BBX: variants seen among roughly 807,000 people sequenced by gnomAD.
BBX encodes the protein BBX high mobility group box domain containing.
A neutral mutation model predicts 100.2 loss-of-function variants in BBX; 30 were observed. That is an observed-to-expected ratio of 0.30 (90% confidence interval 0.22 to 0.41). BBX has a LOEUF of 0.41. Among genes scored for constraint, BBX ranks in the 10% least tolerant of loss-of-function variants. BBX has a pLI of 1.00. For synonymous variants in BBX, 376 were observed against 388.1 expected (o/e 0.97, Z 0.37); for missense variants, 1,023 against 1,129.8 (o/e 0.91, Z 1.35).
At chr3:107,682,492 A>G (rs928796366) in intron 3 of BBX, among the ~76,000 whole-genome samples, 2 of 151,996 alleles carry the variant, frequency 1.3e-5, no homozygotes, top group African/African-American at 4.8e-5. Context: ...CAGCAAACCA[A>G]CTCCAGCTTC....
At position 107,548,083 on chromosome 3, in the gene BBX, G is replaced by A. The variant is rs1417303725; in HGVS notation, c.-84+21685G>A. 2.6e-5 allele frequency among the ~76,000 whole-genome samples: 4 copies of A among 152,110 alleles called. No individual in the cohort carries two copies. The East Asian group carries it at 5.8e-4, about 22-fold the overall frequency. ...GGTGTTTTAAATACTTACCTGGGAG[G>A]CATCGAGGTTTGGACGTATGATTGT... On this transcript the variant is annotated intron_variant, in intron 2 of 17. Coordinates refer to ENST00000325805, the MANE Select transcript of BBX (RefSeq NM_001142568.3).
chr3:107,623,487 T>C (rs1452925076), intron 2 of BBX, among the ~76,000 whole-genome samples: 2 of 152,218 alleles, frequency 1.3e-5, no homozygotes, highest in African/African-American at 2.4e-5. Context: ...CCAGGTTTTA[T>C]AGCTACTTTT....
intron 10 of BBX, among the ~76,000 whole-genome samples, chr3:107,763,483 C>T (rs1243039919): frequency 6.6e-6 from 1 of 152,114 alleles, no homozygotes; most frequent in African/African-American, 2.4e-5. Flanking sequence ...ACATCTGATT[C>T]AGAAAGATAA....
chr3:107,744,606 A>G, intron 7 of BBX, 24 bp from the exon 8 acceptor site: 2 of 1,563,944 alleles, frequency 1.3e-6, no homozygotes, highest in African/African-American at 1.4e-5. Context: ...ACAAAAGAAA[A>G]TATGATATCT....
At chr3:107,648,351 A>G (rs1009945870) in intron 3 of BBX, among the ~76,000 whole-genome samples, 8 of 152,100 alleles carry the variant, frequency 5.3e-5, no homozygotes, top group African/African-American at 1.9e-4. Context: ...TTTATAGGTA[A>G]TTTTAAAGTG....
intron 5 of BBX, among the ~76,000 whole-genome samples, chr3:107,719,372 G>T (rs2062360486): frequency 6.6e-6 from 1 of 151,866 alleles, no homozygotes; most frequent in African/African-American, 2.4e-5. Flanking sequence ...CCTTTTTCTT[G>T]TTGTTTTTAA....
At chr3:107,647,387 G>C (rs75388228) in intron 3 of BBX, among the ~76,000 whole-genome samples, 27 of 152,300 alleles carry the variant, frequency 1.8e-4, no homozygotes, top group Non-Finnish European at 3.7e-4. Context: ...TACCATGGCA[G>C]ACTTCACTAA....
chr3:107,643,607 C>A (rs953751183), intron 2 of BBX, among the ~76,000 whole-genome samples: 1 of 151,894 alleles, frequency 6.6e-6, no homozygotes, highest in Non-Finnish European at 1.5e-5. Context: ...TCTGCCCAGG[C>A]GTTGGTCTCA....
chr3:107,791,891 C>T (rs529648757), intron 15 of BBX, among the ~76,000 whole-genome samples: 44 of 152,302 alleles, frequency 2.9e-4, no homozygotes, highest in Non-Finnish European at 4.1e-4. Context: ...ATCCCAGCTA[C>T]TCAGGAGGCT....
chr3:107,549,869 CTTTT>C (rs34639576), intron 2 of BBX, among the ~76,000 whole-genome samples: 7 of 135,004 alleles, frequency 5.2e-5, no homozygotes, highest in African/African-American at 1.1e-4. Context: ...TTGTTCTTAC[CTTTT>C]TTTTTTTTTT....
intron 2 of BBX, among the ~76,000 whole-genome samples, chr3:107,570,971 A>G (rs143672422): frequency 8.5e-5 from 13 of 152,298 alleles, no homozygotes; most frequent in Non-Finnish European, 1.2e-4. Context: ...AAATGGAGAA[A>G]TCAAAAGTGT....
chr3:107,661,597 C>G (rs2107860093), intron 3 of BBX, among the ~76,000 whole-genome samples: 1 of 152,210 alleles, frequency 6.6e-6, no homozygotes, highest in African/African-American at 2.4e-5. Flanking sequence ...AACATGAGAG[C>G]ACCTATTACA....
At position 107,801,112 on chromosome 3, in the gene BBX, C is replaced by G; in HGVS notation, c.2569C>G (p.Gln857Glu). 1 of 1,614,042 alleles carries G rather than the reference C, an allele frequency of 6.2e-7. No homozygotes were observed. The highest frequency in any genetic ancestry group is 8.5e-7 in the Non-Finnish European group (1 of 1,179,968). The stretch of plus-strand genomic sequence containing the variant: ...TGTTACAGATGACAAACCAAAGGAA[C>G]AACTGCAGAGGAGTCTCCCTAAAGC... ...GGTLDDKPKE[Q>E]LQRSLPKATE... Residue 857 changes from glutamine (Q) to glutamate (E), a missense_variant, in exon 17 of 18, where the codon CAA (glutamine) becomes GAA (glutamate). Around this residue, in one of 9 missense-constraint regions of BBX, gnomAD observed 104 missense variants for 132.2 expected, o/e 0.79. Transcript: ENST00000325805.
intron 2 of BBX, among the ~76,000 whole-genome samples, chr3:107,617,691 T>A (rs1424437026): frequency 1.3e-5 from 2 of 152,178 alleles, no homozygotes; most frequent in Non-Finnish European, 2.9e-5. Flanking sequence ...GATGTCCACA[T>A]GTTCATTGCT....
chr3:107,540,218 A>G (rs1024513229), intron 2 of BBX, among the ~76,000 whole-genome samples: 1 of 152,224 alleles, frequency 6.6e-6, no homozygotes, highest in Non-Finnish European at 1.5e-5. Context: ...AGTACAGCAT[A>G]TAGAGATAGG....
chr3:107,728,438 C>T (rs867549475), intron 5 of BBX, among the ~76,000 whole-genome samples: 2 of 152,134 alleles, frequency 1.3e-5, no homozygotes, highest in Non-Finnish European at 2.9e-5. Flanking sequence ...CTTCTGTCTC[C>T]AGAGCCCTAG....
intron 3 of BBX, among the ~76,000 whole-genome samples, chr3:107,659,931 A>G (rs2058357688): frequency 1.3e-5 from 2 of 152,156 alleles, no homozygotes; most frequent in Admixed American, 1.3e-4. Flanking sequence ...GTGAATCTCT[A>G]TGTAATAGCT....
chr3:107,525,823 G>T (rs2047728664), intron 1 of BBX, among the ~76,000 whole-genome samples: 1 of 152,172 alleles, frequency 6.6e-6, no homozygotes. Context: ...TTTGGGAGAC[G>T]GCAGTGGCCG....
chr3:107,526,276 A>G (rs577060524), intron 1 of BBX, 51 bp from the exon 2 acceptor site: 5 of 398,556 alleles, frequency 1.3e-5, no homozygotes, highest in East Asian at 1.1e-4. Context: ...GGACTGTACT[A>G]TTGTAAAGCC....
Sources: gnomAD v4.1 joint callset for allele counts (sites outside exome capture counted in the v4.1 genomes callset) on GRCh38, gnomAD v4.1.1 for gene constraint, gnomAD v4.1.1 regional missense constraint, MANE v1.5 for transcripts, NCBI Gene and HGNC (gene_info 2026-07-23, HGNC 2026-07-21) for gene names.